Variants in HOMER1 observed in about 807,000 individuals in gnomAD.
The protein encoded by HOMER1 is homer protein homolog 1.
Under a neutral mutation model 48.9 loss-of-function variants are expected in HOMER1, and 3 were observed. The ratio of observed to expected loss-of-function variants is 0.06; its 90% CI spans 0.03 to 0.16. The LOEUF is 0.16. Ranked by LOEUF, HOMER1 falls within the 10% of genes least tolerant of loss-of-function variation. HOMER1 has a pLI of 1.00. For missense variants in HOMER1, 247 were observed against 411.4 expected (o/e 0.60, Z 3.46); for synonymous variants, 134 against 146.4 (o/e 0.92, Z 0.61).
chr5:79,380,919 C>T (rs1469991225), intron 8 of HOMER1, among the ~76,000 whole-genome samples: 1 of 151,914 alleles, frequency 6.6e-6, no homozygotes, highest in African/African-American at 2.4e-5. Context: ...ATGCACTGCA[C>T]GGGACACAGA....
intron 1 of HOMER1, among the ~76,000 whole-genome samples, chr5:79,497,059 C>CAAAAAAAAAAAAAAAAAAAAAAGAAAA: frequency 1.9e-5 from 1 of 52,786 alleles, no homozygotes; most frequent in South Asian, 8.0e-4. Context: ...GACTTTGTCT[C>CAAAAAAAAAAAAAAAAAAAAAAGAAAA]AAAAAAAAAA....
At chr5:79,458,469 A>C (rs925424381) in intron 1 of HOMER1, among the ~76,000 whole-genome samples, 15 of 152,030 alleles carry the variant, frequency 9.9e-5, no homozygotes, top group Admixed American at 2.6e-4. Context: ...AGGAAGAGTA[A>C]ATATGGAGAG....
At chr5:79,456,761 A>C in intron 2 of HOMER1, 101 bp downstream of exon 2, 1 of 1,043,212 alleles carries the variant, frequency 9.6e-7, no homozygotes, top group Non-Finnish European at 1.4e-6. Flanking sequence ...CTCAAAAGGA[A>C]ACATTTTATA....
chr5:79,485,920 T>C (rs1752086980), intron 1 of HOMER1, among the ~76,000 whole-genome samples: 1 of 152,196 alleles, frequency 6.6e-6, no homozygotes, highest in Non-Finnish European at 1.5e-5. Context: ...TAAGCCTGAG[T>C]GGGCCTTTGT....
intron 1 of HOMER1, among the ~76,000 whole-genome samples, chr5:79,462,067 C>T (rs574065670): frequency 6.6e-6 from 1 of 152,026 alleles, no homozygotes; most frequent in East Asian, 1.9e-4. Context: ...GGCACGGTGT[C>T]GCATGCCTAT....
intron 5 of HOMER1, among the ~76,000 whole-genome samples, chr5:79,426,621 A>G (rs551377574): frequency 6.6e-6 from 1 of 152,252 alleles, no homozygotes; most frequent in East Asian, 1.9e-4. Context: ...TAGAGAATAG[A>G]ATGGCTACCA....
intron 8 of HOMER1, among the ~76,000 whole-genome samples, chr5:79,385,239 T>C (rs1749078939): frequency 6.6e-6 from 1 of 151,776 alleles, no homozygotes; most frequent in African/African-American, 2.4e-5. Flanking sequence ...CACAGACAAC[T>C]AAAACAAAAA....
chr5:79,468,550 A>T (rs1454183361), intron 1 of HOMER1, among the ~76,000 whole-genome samples: 1 of 152,218 alleles, frequency 6.6e-6, no homozygotes, highest in Non-Finnish European at 1.5e-5. Flanking sequence ...CAAATAACAT[A>T]TGTTGTTCAC....
chr5:79,378,039 G>A (rs1334587384), intron 8 of HOMER1, among the ~76,000 whole-genome samples: 2 of 152,024 alleles, frequency 1.3e-5, no homozygotes, highest in South Asian at 2.1e-4. Context: ...CCAACATGGC[G>A]AATCCCTTCG....
rs74696023 is a variant in HOMER1, at chr5:79,471,951, G to A, written c.6-14933C>T. ...TACCTTCTCAAGTAGAGCCATTCTTGGTCACTCTATGTAAAAATTGCAGTC... is the reference window on the plus strand; with the variant it reads ...TACCTTCTCAAGTAGAGCCATTCTTAGTCACTCTATGTAAAAATTGCAGTC... On this transcript the variant is annotated intron_variant, in intron 1 of 8. Coordinates refer to ENST00000334082, the MANE Select transcript of HOMER1 (RefSeq NM_004272.5). 4.3e-3 allele frequency among the ~76,000 whole-genome samples: 655 copies of A among 152,152 alleles called. 5 individuals carry two copies. The highest frequency in any genetic ancestry group is 0.015 in the African/African-American group (621 of 41,494).
At chr5:79,485,118 C>T (rs76765549) in intron 1 of HOMER1, among the ~76,000 whole-genome samples, 1 of 120,652 alleles carries the variant, frequency 8.3e-6, no homozygotes, top group Non-Finnish European at 1.7e-5. Flanking sequence ...AAAACAAAAA[C>T]ACTAGTACTG....
intron 1 of HOMER1, among the ~76,000 whole-genome samples, chr5:79,474,115 T>C (rs767581192): frequency 3.6e-4 from 54 of 151,856 alleles, no homozygotes; most frequent in Non-Finnish European, 6.2e-4. Flanking sequence ...TATAGCTCAC[T>C]GCAGCCCCAA....
intron 1 of HOMER1, among the ~76,000 whole-genome samples, chr5:79,470,019 T>C (rs533379226): frequency 6.6e-6 from 1 of 152,188 alleles, no homozygotes; most frequent in African/African-American, 2.4e-5. Context: ...GCAATTAACA[T>C]TTTTCACTGA....
chr5:79,376,240 A>G, intron 8 of HOMER1, 43 bp from the exon 9 acceptor site: 1 of 1,411,082 alleles, frequency 7.1e-7, no homozygotes. Flanking sequence ...TCAATTCATC[A>G]CTTAGAAAAC....
intron 1 of HOMER1, among the ~76,000 whole-genome samples, chr5:79,503,164 A>G (rs926176410): frequency 3.9e-5 from 6 of 152,322 alleles, no homozygotes; most frequent in African/African-American, 1.4e-4. Context: ...AACGTAGTCA[A>G]TTAACACATT....
At chr5:79,451,684 G>A (rs1751032842) in intron 2 of HOMER1, among the ~76,000 whole-genome samples, 1 of 145,874 alleles carries the variant, frequency 6.9e-6, no homozygotes, top group African/African-American at 2.5e-5. Context: ...TCCTGCCTCA[G>A]CCTCCTGAGT....
intron 1 of HOMER1, among the ~76,000 whole-genome samples, chr5:79,475,701 A>C (rs1417316500): frequency 2.0e-5 from 3 of 152,160 alleles, no homozygotes; most frequent in Non-Finnish European, 4.4e-5. Context: ...TCATTCTATC[A>C]AAATACAGAT....
rs745891803 is a variant in HOMER1, at chr5:79,372,810, C to T, written c.*3199G>A. ...ACTGTAGCCCACATGTTAAAGAATA[C>T]ATTTAATTTTAACAGGGCAAATAAA... On this transcript the variant is annotated 3_prime_UTR_variant, in exon 9 of 9. Transcript: ENST00000334082. The T allele has an allele frequency of 1.3e-5, 2 of 152,018 alleles. No individual in the cohort carries two copies. Among genetic ancestry groups the T allele is most frequent in the Non-Finnish European group, 2.9e-5 (2 of 67,996 alleles). 9.4% of individuals were successfully genotyped at this position (152,018 alleles called of 1,614,324 possible). A position where few individuals can be genotyped will look rare whatever the true frequency, so the allele number is the denominator to read the frequency against.
intron 5 of HOMER1, among the ~76,000 whole-genome samples, chr5:79,407,500 T>C (rs1712987872): frequency 6.6e-6 from 1 of 152,100 alleles, no homozygotes; most frequent in South Asian, 2.1e-4. Context: ...ATGAAAACTA[T>C]GGGAAAGAAC....
Sources: gnomAD v4.1 joint callset for allele counts (sites outside exome capture counted in the v4.1 genomes callset) on GRCh38, gnomAD v4.1.1 for gene constraint, MANE v1.5 for transcripts, NCBI Gene and HGNC (gene_info 2026-07-23, HGNC 2026-07-21) for gene names.